The following HEATR6 variants were observed in gnomAD, a reference collection of about 807,000 sequenced individuals.
The protein encoded by HEATR6 is HEAT repeat-containing protein 6.
A neutral mutation model predicts 132.8 loss-of-function variants in HEATR6; 106 were observed. The observed-to-expected ratio is 0.80, with a 90% CI of 0.68 to 0.94. The LOEUF (loss-of-function observed/expected upper bound fraction) is 0.94, where lower values mean the gene tolerates loss of function less well. HEATR6 is among the 40% of genes least tolerant of loss of function. The probability of loss-of-function intolerance (pLI) is 0.00; values close to 1 mark genes in which losing one functional copy is unlikely to be tolerated. For synonymous variants in HEATR6, 529 were observed against 537.8 expected, an observed-to-expected ratio of 0.98 and a Z score of 0.23; for missense variants, 1,339 against 1,425.1, an observed-to-expected ratio of 0.94 and a Z score of 0.97.
At position 60,043,863 on chromosome 17, in the gene HEATR6, C is replaced by A; in HGVS notation, c.3246G>T (p.Leu1082Phe). ...TACAAGGGAGGTCCGAGGCACTGGCCAAGCTCAAGAGGTGAATCAGTGCCT... is the reference window on the plus strand; with the variant it reads ...TACAAGGGAGGTCCGAGGCACTGGCAAAGCTCAAGAGGTGAATCAGTGCCT... The part of the protein sequence containing the change: ...ICQALIHLLS[L>F]ASASDLPCMK... The change falls in exon 20 of 20, where the codon TTG becomes TTT. Residue 1082 changes from leucine (L) to phenylalanine (F), a missense_variant. Leu to Phe is a conservative substitution (Grantham distance 22). Transcript: ENST00000184956. 1 of 1,614,208 alleles carries A rather than the reference C, an allele frequency of 6.2e-7. No homozygotes were observed. The highest frequency in any genetic ancestry group is 8.5e-7 in the Non-Finnish European group (1 of 1,180,046).
At position 60,057,293 on chromosome 17, in the gene HEATR6, C is replaced by T. The variant is rs914593637; in HGVS notation, c.1834G>A (p.Gly612Ser). ...LLQQPCSSGL[G>S]NSNSATPHLS... Reference sequence around the variant, plus strand: ...TGAGGGGTTGCTGAATTGCTATTACCGAGTCCAGAAGAACATGGCTGTTGC... The same window carrying T: ...TGAGGGGTTGCTGAATTGCTATTACTGAGTCCAGAAGAACATGGCTGTTGC... Residue 612 changes from glycine (G) to serine (S), a missense_variant, in exon 12 of 20, where the codon GGT (glycine) becomes AGT (serine). Transcript: ENST00000184956. 1.2e-6 allele frequency: 2 copies of T among 1,614,096 alleles called. No individual in the cohort carries two copies. The highest frequency in any genetic ancestry group is 1.1e-5 in the South Asian group (1 of 91,068).
intron 17 of HEATR6, among the ~76,000 whole-genome samples, 168 bp from the exon 18 acceptor site, chr17:60,047,573 T>G (rs981947843): frequency 2.0e-5 from 3 of 150,342 alleles, no homozygotes; most frequent in Non-Finnish European, 4.4e-5. Context: ...GACCCAATAG[T>G]TCCCCACATA....
chr17:60,062,366 T>C (rs2083216761), intron 9 of HEATR6, among the ~76,000 whole-genome samples: 1 of 152,244 alleles, frequency 6.6e-6, no homozygotes, highest in African/African-American at 2.4e-5. Context: ...GGCTTTTCAG[T>C]CTTACAGAAG....
intron 1 of HEATR6, among the ~76,000 whole-genome samples, chr17:60,077,974 G>C (rs1307017814): frequency 6.6e-6 from 1 of 152,214 alleles, no homozygotes; most frequent in African/African-American, 2.4e-5. Flanking sequence ...GGTGGATGAT[G>C]CATGTGTGTT....
intron 1 of HEATR6, 79 bp from the exon 2 acceptor site, chr17:60,076,316 T>C: frequency 1.5e-6 from 1 of 684,198 alleles, no homozygotes; most frequent in East Asian, 2.8e-5. Flanking sequence ...AATGGGAAAA[T>C]AAAAGTAAAT....
intron 8 of HEATR6, among the ~76,000 whole-genome samples, 196 bp from the exon 9 acceptor site, chr17:60,066,582 A>G (rs2083242148): frequency 6.6e-6 from 1 of 152,214 alleles, no homozygotes; most frequent in African/African-American, 2.4e-5. Context: ...TGTTAAGACA[A>G]TTTGTCTCTA....
chr17:60,070,630 G>T, intron 6 of HEATR6, 76 bp downstream of exon 6: 1 of 746,446 alleles, frequency 1.3e-6, no homozygotes. Flanking sequence ...GTTAGCCTTA[G>T]AATAAGGATG....
At chr17:60,046,649 T>A (rs1906376740) in intron 18 of HEATR6, among the ~76,000 whole-genome samples, 1 of 152,202 alleles carries the variant, frequency 6.6e-6, no homozygotes, top group Non-Finnish European at 1.5e-5. Context: ...TCTCCTTTTG[T>A]TTTAAAACCG....
rs1598900830 is a variant in HEATR6, at chr17:60,041,627, C to A, written c.*1936G>T. On this transcript the variant is annotated 3_prime_UTR_variant, in exon 20 of 20. Transcript: ENST00000184956. ...TTAAGGGAACATTCAATATGGGTGT[C>A]TTTGCTGTGCTTGCAGTCTTAATTC... 6.6e-6 allele frequency among the ~76,000 whole-genome samples: 1 copy of A among 152,158 alleles called. No homozygotes were observed. Among genetic ancestry groups the A allele is most frequent in the East Asian group, 1.9e-4 (1 of 5,190 alleles).
intron 9 of HEATR6, 32 bp downstream of exon 9, chr17:60,066,164 AATTTTTTCTTCCT>A: frequency 1.3e-6 from 2 of 1,487,568 alleles, no homozygotes; most frequent in Non-Finnish European, 1.9e-6. Context: ...AGGATCTGTA[AATTTTTTCTTCCT>A]ATTATAAAGC....
intron 11 of HEATR6, among the ~76,000 whole-genome samples, chr17:60,058,385 T>C (rs1360369972): frequency 5.9e-5 from 9 of 152,172 alleles, no homozygotes; most frequent in Admixed American, 5.9e-4. Context: ...AAAAGTTACT[T>C]GAGGATAAAG....
chr17:60,047,705 A>G (rs1906418943), intron 17 of HEATR6, among the ~76,000 whole-genome samples: 1 of 152,218 alleles, frequency 6.6e-6, no homozygotes, highest in Non-Finnish European at 1.5e-5. Context: ...AAAATGGTTA[A>G]TCATCACACA....
chr17:60,076,472 G>A lies in HEATR6; in HGVS notation c.220-235C>T, dbSNP rs1459862036. 7 of 431,272 alleles carry A rather than the reference G, an allele frequency of 1.6e-5. No individual in the cohort carries two copies. In the East Asian group the frequency reaches 1.7e-4, roughly 10 times the overall value. The allele number at this position is 431,272 out of a possible 1,614,324, so 26.7% of individuals were successfully genotyped here. On this transcript the variant is annotated intron_variant, in intron 1 of 19. Transcript: ENST00000184956. ...TCCCAGTTCTTCCGGAGGTCAAAGC[G>A]GGAGGACTGCTTGAGCCCAGGAGTC...
At position 60,070,786 on chromosome 17, in the gene HEATR6, C is replaced by A. The variant is rs754949296; in HGVS notation, c.721G>T (p.Gly241Cys). 2 of 1,599,456 alleles carry A rather than the reference C, an allele frequency of 1.3e-6. No homozygotes were observed. Among genetic ancestry groups the A allele is most frequent in the Non-Finnish European group, 1.7e-6 (2 of 1,167,016 alleles). The change falls in exon 6 of 20, where the codon GGT becomes TGT. Residue 241 changes from glycine to cysteine, a missense_variant. By Grantham distance (159) the Gly-to-Cys change is radical (BLOSUM62 -3). Coordinates refer to ENST00000184956, the MANE Select transcript of HEATR6 (RefSeq NM_022070.5). The part of the protein sequence containing the change: ...FCMLLQNALK[G>C]IQSLLNGGRM... ...CCACCATTTAGAAGTGACTGTATAC[C>A]TTTTAATGCATTTTGCAATAACTAG...
Position 60,070,710 on chromosome 17 carries a change from A to G in HEATR6, c.797T>C (p.Leu266Pro). The G allele has an allele frequency of 6.3e-7, 1 of 1,576,078 alleles. No homozygotes were observed. The highest frequency in any genetic ancestry group is 8.7e-7 in the Non-Finnish European group (1 of 1,145,410). Reference protein sequence around the residue: ...TDELGALLAVLKKFMFHGLPG... With the variant: ...TDELGALLAVPKKFMFHGLPG... ...TCATATGAAGACTTGCCTTACCTTT[A>G]GCACAGCTAAAAGTGCTCCAAGTTC... Residue 266 changes from leucine to proline, a missense_variant, in exon 6 of 20, where the codon CTA (leucine) becomes CCA (proline). Leu to Pro is a moderately conservative substitution (Grantham distance 98). Transcript: ENST00000184956.
Position 60,043,783 on chromosome 17 carries a change from A to C in HEATR6, c.3326T>G (p.Phe1109Cys). 1 of 1,614,142 alleles carries C rather than the reference A, an allele frequency of 6.2e-7. No individual in the cohort carries two copies. Among genetic ancestry groups the C allele is most frequent in the Non-Finnish European group, 8.5e-7 (1 of 1,180,024 alleles). ...GNMVQSYILQ[F>C]LKSGAEGDDT... ...ATCTCCCTCTGCTCCTGATTTTAAA[A>C]ACTGTAGAATATAGGACTGGACCAT... The change falls in exon 20 of 20, where the codon TTT becomes TGT. Residue 1109 changes from phenylalanine to cysteine, a missense_variant. Phe to Cys is a radical substitution (Grantham distance 205). Coordinates refer to ENST00000184956, the MANE Select transcript of HEATR6 (RefSeq NM_022070.5).
At chr17:60,065,231 T>C (rs559198038) in intron 9 of HEATR6, among the ~76,000 whole-genome samples, 3 of 152,250 alleles carry the variant, frequency 2.0e-5, no homozygotes, top group Non-Finnish European at 4.4e-5. Context: ...TTTTTGCGTG[T>C]ATATAAAATT....
At chr17:60,059,654 T>C (rs1199373494) in intron 10 of HEATR6, 133 bp from the exon 11 acceptor site, 1 of 665,990 alleles carries the variant, frequency 1.5e-6, no homozygotes, top group African/African-American at 1.8e-5. Flanking sequence ...TTAATAACAC[T>C]TGTATTCTCA....
chr17:60,057,399 A>G lies in HEATR6; in HGVS notation c.1728T>C (p.Val576=). Reference sequence around the variant, plus strand: ...GTGTGAGACTTGACACACGAACATTAACATCTGTCAAAGGAAGCAGTAAGA... The same window carrying G: ...GTGTGAGACTTGACACACGAACATTGACATCTGTCAAAGGAAGCAGTAAGA... The part of the protein sequence containing the change: ...QIKPYIRHKD[V]NVRVSSLTLL... The change falls in exon 12 of 20, where the codon GTT becomes GTC. Residue 576 remains valine, a synonymous_variant. Transcript: ENST00000184956. 1 of 1,580,126 alleles carries G rather than the reference A, an allele frequency of 6.3e-7. No homozygotes were observed. The highest frequency in any genetic ancestry group is 1.7e-5 in the Admixed American group (1 of 57,442).
Sources: gnomAD v4.1 joint callset for allele counts (sites outside exome capture counted in the v4.1 genomes callset) on GRCh38, gnomAD v4.1.1 for gene constraint, MANE v1.5 for transcripts, NCBI Gene and HGNC (gene_info 2026-07-23, HGNC 2026-07-21) for gene names.